Variants in MME observed in about 807,000 individuals in gnomAD.
The protein encoded by MME is neprilysin.
Under a neutral mutation model 113.2 loss-of-function variants are expected in MME, and 98 were observed. The ratio of observed to expected loss-of-function variants is 0.87; its 90% CI spans 0.74 to 1.02. The LOEUF (loss-of-function observed/expected upper bound fraction) is 1.02, where lower values mean the gene tolerates loss of function less well. Ranked by LOEUF, MME falls within the 50% of genes least tolerant of loss-of-function variation. MME has a pLI of 0.00. For missense variants in MME, 836 were observed against 896.0 expected (o/e 0.93, Z 0.86); for synonymous variants, 292 against 300.6 (o/e 0.97, Z 0.30).
intron 1 of MME, among the ~76,000 whole-genome samples, chr3:155,030,530 T>C (rs888862020): frequency 4.6e-5 from 7 of 151,978 alleles, no homozygotes; most frequent in Admixed American, 3.9e-4. Context: ...GAAACAAGAA[T>C]ACTTTGCCTG....
intron 16 of MME, among the ~76,000 whole-genome samples, chr3:155,155,435 G>A (rs1285839597): frequency 1.3e-5 from 2 of 152,152 alleles, no homozygotes; most frequent in African/African-American, 4.8e-5. Context: ...GACGTGCATA[G>A]CAATGGTGCC....
chr3:155,066,312 G>T (rs1714378094), intron 1 of MME, among the ~76,000 whole-genome samples: 1 of 152,088 alleles, frequency 6.6e-6, no homozygotes, highest in Non-Finnish European at 1.5e-5. Flanking sequence ...CATGATTATT[G>T]CCCTCTTTGT....
chr3:155,026,541 T>A (rs898665523), intron 1 of MME, among the ~76,000 whole-genome samples: 5 of 152,100 alleles, frequency 3.3e-5, no homozygotes, highest in African/African-American at 1.2e-4. Flanking sequence ...TTGGGCAACA[T>A]GGTGAAATCC....
At chr3:155,041,959 A>C (rs1257136449) in intron 1 of MME, among the ~76,000 whole-genome samples, 2 of 152,172 alleles carry the variant, frequency 1.3e-5, no homozygotes, top group African/African-American at 4.8e-5. Context: ...AAATATTTCT[A>C]AGCTTTTATT....
rs200356121 is a variant in MME at position 155,142,380 on chromosome 3, A to G, written c.1188+50A>G. The G allele has an allele frequency of 6.1e-4, 897 of 1,463,810 alleles. 4 individuals are homozygous for G. In the South Asian group the frequency reaches 9.5e-3, roughly 16 times the overall value. 90.7% of individuals were successfully genotyped at this position (1,463,810 alleles called of 1,614,324 possible). ...TAAGACTTAAAGCATAAAGTGATAC[A>G]TGGTTATGAAGGCTTACCATGTACA... On this transcript the variant is annotated intron_variant, in intron 12 of 22. Coordinates refer to ENST00000360490, the MANE Select transcript of MME (RefSeq NM_007289.4).
chr3:155,133,062 A>AAAAAAAATATATATATATATATAT (rs1553762419), intron 8 of MME, among the ~76,000 whole-genome samples: 4 of 75,068 alleles, frequency 5.3e-5, no homozygotes, highest in East Asian at 3.2e-4. Context: ...AAAAAAAAAA[A>AAAAAAAATATATATATATATATAT]ATATATATAT....
chr3:155,114,031 T>G (rs1718398125), intron 3 of MME, among the ~76,000 whole-genome samples: 3 of 152,208 alleles, frequency 2.0e-5, no homozygotes, highest in Admixed American at 2.0e-4. Context: ...GCTCAGCAAT[T>G]GTTTGAAGTT....
intron 3 of MME, among the ~76,000 whole-genome samples, chr3:155,100,569 C>T (rs1456563190): frequency 6.6e-6 from 1 of 152,122 alleles, no homozygotes; most frequent in East Asian, 1.9e-4. Flanking sequence ...GCAGTGTACC[C>T]ACAATCATTA....
Position 155,116,883 on chromosome 3 carries a change from C to A in MME, c.551C>A (p.Ala184Asp). 6.2e-7 allele frequency: 1 copy of A among 1,610,064 alleles called. No individual in the cohort carries two copies. Among genetic ancestry groups the A allele is most frequent in the Non-Finnish European group, 8.5e-7 (1 of 1,176,768 alleles). The change falls in exon 7 of 23, where the codon GCT (alanine) becomes GAT (aspartate). Residue 184 changes from alanine to aspartate, a missense_variant. Physicochemically the swap from Ala to Asp is moderately radical, Grantham distance 126. Coordinates refer to ENST00000360490, the MANE Select transcript of MME (RefSeq NM_007289.4). ...ATTGCTTTAGGTGCTTCTTGGACAGCTGAAAAAGCTATTGCACAACTGAAT... is the reference window on the plus strand; with the variant it reads ...ATTGCTTTAGGTGCTTCTTGGACAGATGAAAAAGCTATTGCACAACTGAAT... ...WEQKYGASWT[A>D]EKAIAQLNSK... is the part of the protein sequence containing the mutation.
chr3:155,150,441 T>A (rs1296234278), intron 16 of MME, among the ~76,000 whole-genome samples: 2 of 152,314 alleles, frequency 1.3e-5, no homozygotes, highest in East Asian at 1.9e-4. Context: ...GCTTCAGTAG[T>A]ACTTTTTGGT....
chr3:155,180,289 C>A, intron 22 of MME, 71 bp from the exon 23 acceptor site: 2 of 1,088,222 alleles, frequency 1.8e-6, no homozygotes, highest in Non-Finnish European at 2.9e-6. Flanking sequence ...GAGGGAAATG[C>A]TTCAGGGCTC....
chr3:155,161,838 TACC>T (rs1462109704), intron 17 of MME, among the ~76,000 whole-genome samples: 1 of 152,176 alleles, frequency 6.6e-6, no homozygotes, highest in Non-Finnish European at 1.5e-5. Flanking sequence ...CCCAAACCCA[TACC>T]AGAACGTGCT....
intron 3 of MME, among the ~76,000 whole-genome samples, chr3:155,086,310 A>G (rs1715717853): frequency 6.6e-6 from 1 of 152,204 alleles, no homozygotes; most frequent in South Asian, 2.1e-4. Flanking sequence ...CCCACACAGA[A>G]ATAGAGAGGT....
rs550516513 is a variant in MME, at chr3:155,064,410, A to G, written c.-10-19748A>G. Among the ~76,000 whole-genome samples the G allele has an allele frequency of 2.6e-5, 4 of 152,320 alleles. No homozygotes were observed. The East Asian group carries it at 7.7e-4, about 29-fold the overall frequency. ...CAAGAGAAGACGGCCATGCAGCCGC[A>G]AAGTCAGAGATTGGGAGATTCATTA... On this transcript the variant is annotated intron_variant, in intron 1 of 22. Transcript: ENST00000492661.
At chr3:155,083,027 G>A (rs1294463588) in intron 1 of MME, among the ~76,000 whole-genome samples, 2 of 152,178 alleles carry the variant, frequency 1.3e-5, no homozygotes, top group African/African-American at 2.4e-5. Flanking sequence ...CTTTTATACA[G>A]TCATGCAGAA....
rs557593453 is a variant in MME at position 155,033,455 on chromosome 3, T to C, written c.-11+9131T>C. On this transcript the variant is annotated intron_variant, in intron 1 of 22. Transcript: ENST00000492661. ...GTTTTCTATTCATTCAAAACTATGGTGGAAACTATGTAACAAGCTTCATTA... is the reference window on the plus strand; with the variant it reads ...GTTTTCTATTCATTCAAAACTATGGCGGAAACTATGTAACAAGCTTCATTA... 2.6e-5 allele frequency among the ~76,000 whole-genome samples: 4 copies of C among 152,328 alleles called. No individual in the cohort carries two copies. In the East Asian group the frequency reaches 7.7e-4, roughly 29 times the overall value.
In MME at chr3:155,168,407, T is replaced by A. The variant is rs1029855803; in HGVS notation, c.1781-85T>A. 1.6e-5 allele frequency: 19 copies of A among 1,176,636 alleles called. No individual in the cohort carries two copies. The African/African-American group carries it at 2.6e-4, about 16-fold the overall frequency. The allele number at this position is 1,176,636 out of a possible 1,614,324, so 72.9% of individuals were successfully genotyped here. A position where few individuals can be genotyped will look rare whatever the true frequency, so the allele number is the denominator to read the frequency against. On this transcript the variant is annotated intron_variant, in intron 18 of 22. Transcript: ENST00000360490. ...TTTAATGTTCTGTCACACAGCAGTA[T>A]TTCAGTCCTTGCACTTTGAATTAAA...
At chr3:155,148,682 C>A in intron 16 of MME, 29 bp downstream of exon 16, 2 of 1,479,416 alleles carry the variant, frequency 1.4e-6, no homozygotes, top group Non-Finnish European at 1.9e-6. Flanking sequence ...CTAATGTGAT[C>A]ATCTAGAAGC....
chr3:155,155,782 C>G (rs923288405), intron 16 of MME, among the ~76,000 whole-genome samples: 1 of 152,180 alleles, frequency 6.6e-6, no homozygotes, highest in African/African-American at 2.4e-5. Context: ...GATCCACCCA[C>G]CCAAGTGTCT....
Sources: gnomAD v4.1 joint callset for allele counts (sites outside exome capture counted in the v4.1 genomes callset) on GRCh38, gnomAD v4.1.1 for gene constraint, MANE v1.5 for transcripts, NCBI Gene and HGNC (gene_info 2026-07-23, HGNC 2026-07-21) for gene names.